ATXN1: variants seen among roughly 807,000 people sequenced by gnomAD.
The protein encoded by ATXN1 is ataxin-1.
A neutral mutation model predicts 56.4 loss-of-function variants in ATXN1; 8 were observed. The observed-to-expected ratio is 0.14, with a 90% CI of 0.08 to 0.26. The LOEUF (loss-of-function observed/expected upper bound fraction) is 0.26, where lower values mean the gene tolerates loss of function less well. Ranked by LOEUF, ATXN1 falls within the 10% of genes least tolerant of loss-of-function variation. The pLI, the probability that ATXN1 is intolerant of heterozygous loss-of-function variation, is 1.00. For missense variants in ATXN1, 987 were observed against 1,106.5 expected (o/e 0.89, Z 1.53); for synonymous variants, 514 against 494.6 (o/e 1.04, Z -0.52).
chr6:16,566,662 G>A (rs1318441057), intron 4 of ATXN1, among the ~76,000 whole-genome samples: 2 of 151,916 alleles, frequency 1.3e-5, no homozygotes, highest in South Asian at 2.1e-4. Context: ...GACCATCCTG[G>A]CGAACACTGT....
chr6:16,390,388 A>T (rs1444622494), intron 6 of ATXN1, among the ~76,000 whole-genome samples: 2 of 152,054 alleles, frequency 1.3e-5, no homozygotes, highest in East Asian at 3.9e-4. Context: ...GTATGCATGC[A>T]AGCATCTTTC....
intron 6 of ATXN1, among the ~76,000 whole-genome samples, chr6:16,414,137 C>T (rs2113555633): frequency 6.6e-6 from 1 of 152,300 alleles, no homozygotes; most frequent in South Asian, 2.1e-4. Context: ...CATTTTTCCA[C>T]AGCACAGATA....
chr6:16,612,439 GTA>G (rs1261841783), intron 3 of ATXN1, among the ~76,000 whole-genome samples: 1 of 152,114 alleles, frequency 6.6e-6, no homozygotes, highest in African/African-American at 2.4e-5. Context: ...CTAAATAGGT[GTA>G]GAGTATAAAA....
chr6:16,582,051 C>T (rs913881904), intron 4 of ATXN1, among the ~76,000 whole-genome samples: 17 of 152,142 alleles, frequency 1.1e-4, no homozygotes, highest in African/African-American at 1.9e-4. Flanking sequence ...TTAGACAGTA[C>T]GCTTCTCTCC....
chr6:16,662,245 G>T (rs183689249), intron 2 of ATXN1, among the ~76,000 whole-genome samples: 4 of 152,290 alleles, frequency 2.6e-5, no homozygotes, highest in Admixed American at 2.6e-4. Flanking sequence ...CTTTAGGTGT[G>T]CATGCCTGAA....
At chr6:16,723,319 T>C (rs1177640395) in intron 2 of ATXN1, among the ~76,000 whole-genome samples, 2 of 152,202 alleles carry the variant, frequency 1.3e-5, no homozygotes, top group Admixed American at 6.5e-5. Flanking sequence ...AAAATAATAA[T>C]TTTTGTATGA....
intron 4 of ATXN1, among the ~76,000 whole-genome samples, chr6:16,571,660 T>TAA (rs563930717): frequency 1.4e-5 from 2 of 144,406 alleles, no homozygotes; most frequent in Admixed American, 6.9e-5. Context: ...CTCAGCTAAT[T>TAA]AAAAAAAAAA....
chr6:16,670,297 G>C (rs1232484840), intron 2 of ATXN1, among the ~76,000 whole-genome samples: 1 of 152,064 alleles, frequency 6.6e-6, no homozygotes, highest in Non-Finnish European at 1.5e-5. Flanking sequence ...CTGCTCTCAT[G>C]GTTCTCCAAT....
intron 6 of ATXN1, among the ~76,000 whole-genome samples, chr6:16,341,549 C>T (rs1204028881): frequency 9.8e-5 from 14 of 142,608 alleles, no homozygotes; most frequent in Non-Finnish European, 1.5e-4. Context: ...GACAGAGTCT[C>T]GCTCTGTCCC....
intron 6 of ATXN1, among the ~76,000 whole-genome samples, chr6:16,350,379 C>CA (rs879331601): frequency 1.3e-5 from 2 of 152,198 alleles, no homozygotes; most frequent in Non-Finnish European, 2.9e-5. Flanking sequence ...AGTCTCAGCT[C>CA]AAGAGTCTGT....
intron 6 of ATXN1, among the ~76,000 whole-genome samples, chr6:16,449,736 A>G (rs1759714944): frequency 6.6e-6 from 1 of 152,244 alleles, no homozygotes; most frequent in Non-Finnish European, 1.5e-5. Flanking sequence ...ATAAGTTTAA[A>G]GGAAAACATA....
intron 2 of ATXN1, chr6:16,666,688 T>G (rs1410074689): frequency 6.6e-6 from 1 of 152,196 alleles, no homozygotes; most frequent in Non-Finnish European, 1.5e-5. Flanking sequence ...GCATTTATAG[T>G]AGAGACGGAG....
intron 7 of ATXN1, among the ~76,000 whole-genome samples, chr6:16,320,705 G>A (rs1760628460): frequency 6.6e-6 from 1 of 152,238 alleles, no homozygotes. Context: ...CCTTGTTTCT[G>A]CATTGGTTGT....
chr6:16,591,653 GATCT>G (rs1271414735), intron 3 of ATXN1, among the ~76,000 whole-genome samples: 1 of 152,086 alleles, frequency 6.6e-6, no homozygotes, highest in East Asian at 1.9e-4. Flanking sequence ...GCCGTGTAAT[GATCT>G]GTCTCCCTTT....
intron 3 of ATXN1, among the ~76,000 whole-genome samples, chr6:16,657,030 C>A (rs1197242842): frequency 2.1e-5 from 3 of 142,048 alleles, no homozygotes; most frequent in African/African-American, 8.1e-5. Context: ...GTCGCCCAGG[C>A]TGGAGTGCAG....
chr6:16,737,331 A>C (rs1428468282), intron 2 of ATXN1: 2 of 152,224 alleles, frequency 1.3e-5, no homozygotes, highest in African/African-American at 2.4e-5. Context: ...ATTATTTTTA[A>C]ACAGCTAGTG....
intron 6 of ATXN1, among the ~76,000 whole-genome samples, chr6:16,345,662 C>A (rs561923042): frequency 1.3e-5 from 2 of 152,312 alleles, no homozygotes; most frequent in South Asian, 2.1e-4. Context: ...TACTTTCTAC[C>A]TCCACTGACT....
intron 2 of ATXN1, among the ~76,000 whole-genome samples, chr6:16,735,838 A>C (rs938109122): frequency 6.6e-6 from 1 of 152,186 alleles, no homozygotes; most frequent in East Asian, 1.9e-4. Flanking sequence ...AGAAAAAAAA[A>C]CTGTCCCTCA....
At chr6:16,556,139 C>G (rs189311410) in intron 4 of ATXN1, among the ~76,000 whole-genome samples, 1 of 152,242 alleles carries the variant, frequency 6.6e-6, no homozygotes, top group Admixed American at 6.5e-5. Context: ...TATTTTCTTG[C>G]AAGCCTTTTC....
Sources: gnomAD v4.1 joint callset for allele counts (sites outside exome capture counted in the v4.1 genomes callset) on GRCh38, gnomAD v4.1.1 for gene constraint, MANE v1.5 for transcripts, NCBI Gene and HGNC (gene_info 2026-07-23, HGNC 2026-07-21) for gene names.